MDGA2: variants seen among roughly 807,000 people sequenced by gnomAD.
MDGA2 encodes the protein MAM domain-containing glycosylphosphatidylinositol anchor protein 2.
In MDGA2, 40 loss-of-function variants were observed where a neutral mutation model predicts 117.8. That is an observed-to-expected ratio of 0.34 (90% CI 0.26 to 0.44). The LOEUF is 0.44. MDGA2 is among the 20% of genes least tolerant of loss of function. MDGA2 has a pLI of 1.00. For missense variants in MDGA2, 1,123 were observed against 1,250.6 expected (o/e 0.90, Z 1.54); for synonymous variants, 452 against 439.0 (o/e 1.03, Z -0.37).
At chr14:47,647,215 T>C (rs1897551230) in intron 1 of MDGA2, among the ~76,000 whole-genome samples, 1 of 152,196 alleles carries the variant, frequency 6.6e-6, no homozygotes. Flanking sequence ...ATTTTAGGTC[T>C]GCTCAAACAT....
At chr14:47,022,955 AGTGTGGT>A (rs1353029158) in intron 8 of MDGA2, among the ~76,000 whole-genome samples, 5 of 152,098 alleles carry the variant, frequency 3.3e-5, no homozygotes, top group African/African-American at 1.2e-4. Flanking sequence ...TCTGCTGTGG[AGTGTGGT>A]TACCCAAGCC....
intron 1 of MDGA2, among the ~76,000 whole-genome samples, chr14:47,517,400 A>G (rs1894776741): frequency 6.6e-6 from 1 of 152,192 alleles, no homozygotes; most frequent in Non-Finnish European, 1.5e-5. Flanking sequence ...ACAAAATGGC[A>G]GAAGAAAACA....
intron 1 of MDGA2, among the ~76,000 whole-genome samples, chr14:47,349,016 A>C (rs76795837): frequency 0.013 from 1,949 of 152,320 alleles, 39 homozygotes; most frequent in African/African-American, 0.044. Flanking sequence ...GTTTATTTGG[A>C]CTTCTTTGGC....
At chr14:47,101,119 AGATAGACAGATAGAT>A (rs1880292463) in intron 5 of MDGA2, among the ~76,000 whole-genome samples, 8 of 81,032 alleles carry the variant, frequency 9.9e-5, no homozygotes, top group African/African-American at 2.2e-4. Context: ...ATAGATAGAT[AGATAGACAGATAGAT>A]AGAAAGAAAT....
chr14:47,083,780 G>A (rs1890793208), intron 6 of MDGA2, among the ~76,000 whole-genome samples: 1 of 151,938 alleles, frequency 6.6e-6, no homozygotes, highest in African/African-American at 2.4e-5. Flanking sequence ...AAGCAGGGTG[G>A]CTAGATAATG....
At chr14:47,266,282 C>A (rs1480901326) in intron 2 of MDGA2, among the ~76,000 whole-genome samples, 5 of 152,106 alleles carry the variant, frequency 3.3e-5, no homozygotes, top group Admixed American at 3.3e-4. Flanking sequence ...AACTAGAAAC[C>A]CCAGACTTAT....
chr14:47,453,834 T>C (rs4900765), intron 1 of MDGA2, among the ~76,000 whole-genome samples: 96,022 of 151,996 alleles, frequency 0.63, 31,062 homozygotes, highest in East Asian at 0.98. Flanking sequence ...CAGTTGGAAA[T>C]GTCTGATGAG....
chr14:47,585,617 A>G (rs1219423691), intron 1 of MDGA2, among the ~76,000 whole-genome samples: 1 of 151,798 alleles, frequency 6.6e-6, no homozygotes, highest in African/African-American at 2.4e-5. Context: ...ACAGAAGCCA[A>G]AAGGAGAGTG....
At chr14:47,004,327 A>C (rs1306239150) in intron 8 of MDGA2, among the ~76,000 whole-genome samples, 1 of 151,866 alleles carries the variant, frequency 6.6e-6, no homozygotes, top group Non-Finnish European at 1.5e-5. Context: ...TAATTTGTTT[A>C]AAACACTATC....
chr14:46,950,877 AAT>A (rs146807090), intron 9 of MDGA2, among the ~76,000 whole-genome samples: 17,720 of 150,720 alleles, frequency 0.12, 1,954 homozygotes, highest in African/African-American at 0.27. Flanking sequence ...ATTCAGTCCA[AAT>A]TTAAAAAAAA....
At chr14:46,941,678 G>A (rs1214664709) in intron 9 of MDGA2, among the ~76,000 whole-genome samples, 3 of 151,818 alleles carry the variant, frequency 2.0e-5, no homozygotes, top group Non-Finnish European at 1.5e-5. Flanking sequence ...GAGGTAAATA[G>A]GCCCTTAAGA....
At chr14:47,054,744 C>A (rs997819727) in intron 7 of MDGA2, among the ~76,000 whole-genome samples, 1 of 151,626 alleles carries the variant, frequency 6.6e-6, no homozygotes, top group African/African-American at 2.4e-5. Context: ...CAAAAACAAG[C>A]AATGGGGAAA....
At chr14:47,597,834 CCACACACACATACACA>C in intron 1 of MDGA2, among the ~76,000 whole-genome samples, 2 of 119,914 alleles carry the variant, frequency 1.7e-5, no homozygotes, top group South Asian at 6.3e-4. Flanking sequence ...GAGACGCACA[CCACACACACATACACA>C]CACACACACA....
chr14:47,632,158 A>G (rs1269568869), intron 1 of MDGA2, among the ~76,000 whole-genome samples: 1 of 152,184 alleles, frequency 6.6e-6, no homozygotes, highest in African/African-American at 2.4e-5. Flanking sequence ...TAAATTAGAC[A>G]TGTCTGCAGT....
chr14:47,593,448 A>G (rs1896479567), intron 1 of MDGA2, among the ~76,000 whole-genome samples: 6 of 152,148 alleles, frequency 3.9e-5, no homozygotes, highest in Admixed American at 3.9e-4. Context: ...ACGCCACGCT[A>G]TTCACATTAA....
At chr14:47,468,869 T>A (rs532339419) in intron 1 of MDGA2, among the ~76,000 whole-genome samples, 3 of 152,212 alleles carry the variant, frequency 2.0e-5, no homozygotes, top group Admixed American at 2.0e-4. Context: ...ACTAGGCAAA[T>A]AATAATCATT....
intron 1 of MDGA2, among the ~76,000 whole-genome samples, chr14:47,595,355 C>G (rs906438038): frequency 1.3e-5 from 2 of 151,516 alleles, no homozygotes; most frequent in Admixed American, 1.3e-4. Flanking sequence ...GCCAATTTGG[C>G]GAAACCCCTT....
At chr14:47,288,669 T>A (rs2139765189) in intron 2 of MDGA2, among the ~76,000 whole-genome samples, 1 of 152,270 alleles carries the variant, frequency 6.6e-6, no homozygotes, top group African/African-American at 2.4e-5. Flanking sequence ...TGGAAAAGGA[T>A]AAAACTGCCA....
intron 10 of MDGA2, among the ~76,000 whole-genome samples, chr14:46,886,829 G>A: frequency 6.6e-6 from 1 of 151,814 alleles, no homozygotes. Context: ...TTCTTTTCCT[G>A]TGTTCTAAAT....
Sources: allele counts gnomAD v4.1 joint callset (sites outside exome capture counted in the v4.1 genomes callset), GRCh38; gene constraint gnomAD v4.1.1; transcripts MANE v1.5; gene names NCBI Gene and HGNC (gene_info 2026-07-23, HGNC 2026-07-21).